The following SPATA16 variants were observed in gnomAD, a reference collection of about 807,000 sequenced individuals.
SPATA16 encodes the protein spermatogenesis-associated protein 16.
A neutral mutation model predicts 63.3 loss-of-function variants in SPATA16; 36 were observed. That is an observed-to-expected ratio of 0.57 (90% CI 0.44 to 0.75). The LOEUF is 0.75. Among genes scored for constraint, SPATA16 ranks in the 30% least tolerant of loss-of-function variants. The pLI, the probability that SPATA16 is intolerant of heterozygous loss-of-function variation, is 0.00. For synonymous variants in SPATA16, 203 were observed against 216.7 expected (o/e 0.94, Z 0.56); for missense variants, 646 against 679.3 (o/e 0.95, Z 0.54).
chr3:173,028,163 G>T (rs1303262025), intron 3 of SPATA16, among the ~76,000 whole-genome samples: 4 of 150,516 alleles, frequency 2.7e-5, no homozygotes, highest in Non-Finnish European at 5.9e-5. Context: ...TAGCAAAGTA[G>T]TGATTGTTTC....
chr3:172,916,876 C>T (rs1169419015), intron 8 of SPATA16, among the ~76,000 whole-genome samples: 1 of 152,204 alleles, frequency 6.6e-6, no homozygotes, highest in African/African-American at 2.4e-5. Context: ...TGCCTACTAT[C>T]TTGTTTATCT....
intron 6 of SPATA16, among the ~76,000 whole-genome samples, chr3:172,942,684 T>G (rs28723456): frequency 0.088 from 13,321 of 152,086 alleles, 1,944 homozygotes; most frequent in African/African-American, 0.3. Context: ...TCAAGCTTGA[T>G]CCAGGTAATG....
intron 1 of SPATA16, among the ~76,000 whole-genome samples, chr3:173,124,477 G>A (rs763988045): frequency 1.3e-5 from 2 of 152,120 alleles, no homozygotes; most frequent in Non-Finnish European, 2.9e-5. Flanking sequence ...CCTTTTGTTT[G>A]GATCCTATCC....
chr3:173,093,667 T>C (rs1737277857), intron 2 of SPATA16, among the ~76,000 whole-genome samples: 1 of 152,198 alleles, frequency 6.6e-6, no homozygotes, highest in Non-Finnish European at 1.5e-5. Context: ...AGAAGTTATG[T>C]ATTTGAGACA....
Position 173,119,951 on chromosome 3 carries a change from G to A in SPATA16, c.-18-2202C>T, listed in dbSNP as rs145806185. 3.7e-4 allele frequency among the ~76,000 whole-genome samples: 56 copies of A among 152,296 alleles called. No homozygotes were observed. In the Middle Eastern group the frequency reaches 0.01, roughly 28 times the overall value. On this transcript the variant is annotated intron_variant, in intron 1 of 10. Coordinates refer to ENST00000351008, the MANE Select transcript of SPATA16 (RefSeq NM_031955.6). ...AAAAATACAAAATTAGCCGGATGTG[G>A]TGGCACATGCCTGTAGTCCCAATTA...
intron 2 of SPATA16, among the ~76,000 whole-genome samples, chr3:173,087,334 C>A (rs899947391): frequency 3.3e-5 from 5 of 152,164 alleles, no homozygotes; most frequent in African/African-American, 9.7e-5. Context: ...TCATCAGAAA[C>A]TAGGGTTGCA....
intron 6 of SPATA16, 80 bp downstream of exon 6, chr3:172,956,597 C>T: frequency 6.0e-6 from 9 of 1,497,236 alleles, no homozygotes; most frequent in Non-Finnish European, 8.2e-6. Context: ...AAACAATAAA[C>T]TAATAAACCA....
intron 2 of SPATA16, among the ~76,000 whole-genome samples, chr3:173,089,901 G>C (rs1737179106): frequency 6.6e-6 from 1 of 152,144 alleles, no homozygotes; most frequent in Non-Finnish European, 1.5e-5. Context: ...ATTCTGACTT[G>C]AGCGTGTTGT....
intron 3 of SPATA16, among the ~76,000 whole-genome samples, chr3:173,041,518 T>G (rs1382346780): frequency 6.6e-6 from 1 of 152,282 alleles, no homozygotes; most frequent in Non-Finnish European, 1.5e-5. Flanking sequence ...TGTTAAGAGA[T>G]ATATGCAGGT....
chr3:172,990,851 G>A (rs1266748171), intron 4 of SPATA16, among the ~76,000 whole-genome samples: 1 of 152,084 alleles, frequency 6.6e-6, no homozygotes, highest in East Asian at 1.9e-4. Flanking sequence ...GTTTGGACCA[G>A]GGTGACAGTC....
intron 5 of SPATA16, among the ~76,000 whole-genome samples, chr3:172,963,939 A>G (rs1733847107): frequency 6.6e-6 from 1 of 152,194 alleles, no homozygotes; most frequent in South Asian, 2.1e-4. Flanking sequence ...AAATTCTCGG[A>G]AGTATAAGAT....
chr3:173,022,153 C>G (rs1290435120), intron 3 of SPATA16, among the ~76,000 whole-genome samples: 2 of 151,728 alleles, frequency 1.3e-5, no homozygotes, highest in Admixed American at 6.6e-5. Context: ...ACTATCGGAA[C>G]CATTACAGTG....
At position 172,995,932 on chromosome 3, in the gene SPATA16, A is replaced by G. The variant is rs55860539; in HGVS notation, c.849-18880T>C. On this transcript the variant is annotated intron_variant, in intron 4 of 10. Transcript: ENST00000351008. ...AATATGGGTGAATTAATATTAAACT[A>G]TGGACTTTTTCAAATCTCACCAGGT... Among the ~76,000 whole-genome samples, 731 of 152,270 alleles carry G rather than the reference A, an allele frequency of 4.8e-3. 2 individuals carry two copies. The highest frequency in any genetic ancestry group is 7.2e-3 in the Non-Finnish European group (490 of 67,976).
chr3:173,106,239 G>C (rs534324572), intron 2 of SPATA16, among the ~76,000 whole-genome samples: 2 of 152,208 alleles, frequency 1.3e-5, no homozygotes, highest in East Asian at 3.9e-4. Context: ...AGCTTCTTCA[G>C]CTTTATTTCT....
chr3:173,109,038 G>A (rs752046801), intron 2 of SPATA16, among the ~76,000 whole-genome samples: 25 of 151,882 alleles, frequency 1.6e-4, no homozygotes, highest in Non-Finnish European at 2.9e-4. Flanking sequence ...CTTTTTTTAT[G>A]GAATGTGATT....
intron 3 of SPATA16, among the ~76,000 whole-genome samples, chr3:173,040,206 T>C (rs16846459): frequency 0.062 from 9,423 of 152,160 alleles, 726 homozygotes; most frequent in African/African-American, 0.18. Flanking sequence ...ACAAGAGAAA[T>C]AAATGATGAC....
chr3:172,912,773 A>T (rs1732397841), intron 10 of SPATA16, among the ~76,000 whole-genome samples: 1 of 152,010 alleles, frequency 6.6e-6, no homozygotes, highest in African/African-American at 2.4e-5. Context: ...TTCAGTCAAT[A>T]GTAGGCTATT....
chr3:173,118,160 C>G (rs1047801927), intron 1 of SPATA16, among the ~76,000 whole-genome samples: 1 of 152,184 alleles, frequency 6.6e-6, no homozygotes, highest in African/African-American at 2.4e-5. Context: ...AAATACACTA[C>G]TCACCTGAAT....
At chr3:173,084,900 A>G (rs140305787) in intron 2 of SPATA16, among the ~76,000 whole-genome samples, 22,105 of 152,122 alleles carry the variant, frequency 0.15, 1,935 homozygotes, top group South Asian at 0.29. Flanking sequence ...TACCAGTACC[A>G]TGCTGTTTTG....
Sources: allele counts gnomAD v4.1 joint callset (sites outside exome capture counted in the v4.1 genomes callset), GRCh38; gene constraint gnomAD v4.1.1; transcripts MANE v1.5; gene names NCBI Gene and HGNC (gene_info 2026-07-23, HGNC 2026-07-21).